Variants in DKC1 observed in about 807,000 individuals in gnomAD.
DKC1 encodes dyskerin pseudouridine synthase 1.
A neutral mutation model predicts 46.7 loss-of-function variants in DKC1; 4 were observed. The ratio of observed to expected loss-of-function variants is 0.09; its 90% confidence interval spans 0.04 to 0.20. The LOEUF (loss-of-function observed/expected upper bound fraction) is 0.20. Ranked by LOEUF, DKC1 falls within the 10% of genes least tolerant of loss-of-function variation. The probability of loss-of-function intolerance (pLI) is 1.00; values close to 1 mark genes in which losing one functional copy is unlikely to be tolerated. For missense variants in DKC1, 171 were observed against 404.2 expected, an observed-to-expected ratio of 0.42 and a Z score of 4.95; for synonymous variants, 141 against 142.4, an observed-to-expected ratio of 0.99 and a Z score of 0.07.
intron 14 of DKC1, 64 bp from the exon 15 acceptor site, chrX:154,776,735 T>C: frequency 2.8e-6 from 3 of 1,083,175 alleles, no homozygotes; most frequent in African/African-American, 1.8e-5. Flanking sequence ...CAGATTTCCT[T>C]CTGGGAGAGT....
intron 5 of DKC1, among the ~76,000 whole-genome samples, chrX:154,766,756 C>T (rs1311180057): frequency 1.8e-5 from 2 of 111,658 alleles, no homozygotes; most frequent in East Asian, 5.6e-4. Flanking sequence ...TTTTTCCACG[C>T]AGCTTCTACA....
At chrX:154,766,659 C>A in intron 5 of DKC1, 2 of 436,201 alleles carry the variant, frequency 4.6e-6, no homozygotes, top group Non-Finnish European at 8.0e-6. Context: ...GCTTGTCACT[C>A]CAGGCTTCTC....
At chrX:154,769,434 TAAAGTA>T (rs1301237840) in intron 9 of DKC1, 124 bp downstream of exon 9, 1 of 834,922 alleles carries the variant, frequency 1.2e-6, no homozygotes, top group African/African-American at 2.1e-5. Context: ...TATATTAATT[TAAAGTA>T]AAAGTTTAAT....
chrX:154,773,727 C>T (rs1428431594), intron 11 of DKC1, among the ~76,000 whole-genome samples: 1 of 112,204 alleles, frequency 8.9e-6, no homozygotes, highest in Non-Finnish European at 1.9e-5. Flanking sequence ...GGCAACCATC[C>T]GATTTCTCAA....
rs782202263 is a variant in DKC1 at position 154,765,994 on chromosome X, A to G, written c.259A>G (p.Ile87Val). 1.1e-5 allele frequency: 13 copies of G among 1,191,617 alleles called. No homozygotes were observed. The highest frequency in any genetic ancestry group is 1.4e-5 in the Non-Finnish European group (12 of 878,190). The change falls in exon 4 of 15, where the codon ATC becomes GTC. Residue 87 changes from isoleucine (I) to valine (V), a missense_variant. Around this residue, in one of 4 missense-constraint regions of DKC1, gnomAD observed 41 missense variants for 117.3 expected, o/e 0.35. Transcript: ENST00000369550. ...TCTGAAGAGAGAGATTGGGGACTAT[A>G]TCAGGTAAGTGTTGGGAGGAGGCAC... ...NPLKREIGDY[I>V]RTGFINLDKP...
intron 1 of DKC1, among the ~76,000 whole-genome samples, 197 bp from the exon 2 acceptor site, chrX:154,764,702 A>C (rs1228082899): frequency 1.8e-5 from 2 of 111,548 alleles, no homozygotes; most frequent in African/African-American, 6.5e-5. Context: ...GGAGATAGGA[A>C]TTTTTCAGCT....
Position 154,765,618 on chromosome X carries a change from G to A in DKC1, c.171+88G>A. On this transcript the variant is annotated intron_variant, in intron 3 of 14. Coordinates refer to ENST00000369550, the MANE Select transcript of DKC1 (RefSeq NM_001363.5). ...CAATTGATTGAGAATGCTTACTGCTGGCATCCTTGACTTTGGGAAGTGCCC... is the reference window on the plus strand; with the variant it reads ...CAATTGATTGAGAATGCTTACTGCTAGCATCCTTGACTTTGGGAAGTGCCC... 3.9e-6 allele frequency: 3 copies of A among 777,101 alleles called. No homozygotes were observed. In the South Asian group the frequency reaches 6.2e-5, roughly 16 times the overall value. 64.0% of individuals were successfully genotyped at this position (777,101 alleles called of 1,213,427 possible).
At chrX:154,767,818 T>C (rs1419453201) in intron 7 of DKC1, among the ~76,000 whole-genome samples, 1 of 110,218 alleles carries the variant, frequency 9.1e-6, no homozygotes, top group Non-Finnish European at 1.9e-5. Flanking sequence ...GTGTTAAAAA[T>C]TCTGCTAATA....
At position 154,770,870 on chromosome X, in the gene DKC1, A is replaced by G. The variant is rs958540765; in HGVS notation, c.1027A>G (p.Ile343Val). 3.3e-6 allele frequency: 4 copies of G among 1,211,238 alleles called. No individual in the cohort carries two copies. Among genetic ancestry groups the G allele is most frequent in the Non-Finnish European group, 3.4e-6 (3 of 894,930 alleles). ...GGTTATCACCACCAAAGGAGAAGCA[A>G]TCTGCATGGGTAAGAGGGGATGTTT... ...IVVITTKGEA[I>V]CMAIALMTTA... The change falls in exon 10 of 15, where the codon ATC (isoleucine) becomes GTC (valine). Residue 343 changes from isoleucine to valine, a missense_variant. Transcript: ENST00000369550.
At chrX:154,773,022 C>A in intron 10 of DKC1, 109 bp from the exon 11 acceptor site, 1 of 547,299 alleles carries the variant, frequency 1.8e-6, no homozygotes, top group Non-Finnish European at 3.2e-6. Context: ...AAAGTAGTAG[C>A]TCAGAGTTTT....
Position 154,766,980 on chromosome X carries a change from CTTT to C in DKC1, c.449-15_449-13del. On this transcript the variant is annotated splice_polypyrimidine_tract_variant and intron_variant, in intron 5 of 14. Transcript: ENST00000369550. ...AACTCAGTGGCCACACCTGACTACT[CTTT>C]TGTCATTTTTCAGGCAAAGAGTATG... The C allele has an allele frequency of 8.3e-7, 1 of 1,209,309 alleles. No individual in the cohort carries two copies.
chrX:154,776,255 AAAG>A lies in DKC1; in HGVS notation c.1415_1417del (p.Lys472del), dbSNP rs781922569. The A allele has an allele frequency of 2.3e-5, 28 of 1,210,270 alleles. No homozygotes were observed. Among genetic ancestry groups the A allele is most frequent in the African/African-American group, 1.0e-4 (6 of 57,349 alleles). On this transcript the variant is annotated inframe_deletion, in exon 14 of 15. Coordinates refer to ENST00000369550, the MANE Select transcript of DKC1 (RefSeq NM_001363.5). ...CAGCTCCTCAGTTGATCAAGAAGGA[AAAG>A]AAGAAGAGTAAGAAGGACAAGAAGG... is the stretch of plus-strand genomic sequence containing the variant.
At chrX:154,774,421 G>T (rs1248197831) in intron 11 of DKC1, among the ~76,000 whole-genome samples, 181 bp from the exon 12 acceptor site, 1 of 112,213 alleles carries the variant, frequency 8.9e-6, no homozygotes, top group Non-Finnish European at 1.9e-5. Context: ...AATAAGCTTT[G>T]TGATCTTCAA....
intron 9 of DKC1, among the ~76,000 whole-genome samples, chrX:154,770,467 T>TAAAAAA (rs150045442): frequency 4.4e-5 from 3 of 67,782 alleles, no homozygotes; most frequent in Non-Finnish European, 7.9e-5. Context: ...GCCTGAAAAT[T>TAAAAAA]AAAAAAAAAA....
Position 154,777,436 on chromosome X carries a change from T to C in DKC1, c.*569T>C, listed in dbSNP as rs2071913444. On this transcript the variant is annotated 3_prime_UTR_variant, in exon 15 of 15. Transcript: ENST00000369550. The stretch of plus-strand genomic sequence containing the variant: ...GTCCTTTGCACTTCCTCAAAGCTTG[T>C]GTACAGTGCTCACCTAAATCCATCT... The C allele has an allele frequency of 8.7e-6, 1 of 115,476 alleles. No homozygotes were observed. Among genetic ancestry groups the C allele is most frequent in the Middle Eastern group, 4.1e-3 (1 of 242 alleles). 9.5% of individuals were successfully genotyped at this position (115,476 alleles called of 1,213,427 possible). A position where few individuals can be genotyped will look rare whatever the true frequency, so the allele number is the denominator to read the frequency against.
At chrX:154,768,576 T>A in intron 8 of DKC1, 144 bp downstream of exon 8, 2 of 800,509 alleles carry the variant, frequency 2.5e-6, no homozygotes, top group Non-Finnish European at 3.8e-6. Flanking sequence ...TTCTGTTAAT[T>A]AAACTTTGGG....
chrX:154,765,130 C>T, intron 2 of DKC1, 164 bp downstream of exon 2: 1 of 506,633 alleles, frequency 2.0e-6, no homozygotes, highest in Non-Finnish European at 3.4e-6. Flanking sequence ...CCCAGACAGT[C>T]CAAGTGTCCT....
Position 154,773,913 on chromosome X carries a change from G to A in DKC1, c.1155+664G>A, listed in dbSNP as rs920191834. Among the ~76,000 whole-genome samples, 14 of 111,024 alleles carry A rather than the reference G, an allele frequency of 1.3e-4. No homozygotes were observed. The East Asian group carries it at 2.6e-3, about 21-fold the overall frequency. On this transcript the variant is annotated intron_variant, in intron 11 of 14. Coordinates refer to ENST00000369550, the MANE Select transcript of DKC1 (RefSeq NM_001363.5). ...GCGCCCCTCACCTCCCGGACGGGGC[G>A]GCTGGCCGGGCGGGGGGGCTGACCC...
At chrX:154,776,074 C>A in intron 13 of DKC1, 113 bp from the exon 14 acceptor site, 1 of 971,679 alleles carries the variant, frequency 1.0e-6, no homozygotes, top group Non-Finnish European at 1.5e-6. Context: ...AGAAAACGTC[C>A]TGTTAGATTC....
Sources: allele counts gnomAD v4.1 joint callset (sites outside exome capture counted in the v4.1 genomes callset), GRCh38; gene constraint gnomAD v4.1.1; regional missense constraint gnomAD v4.1.1; transcripts MANE v1.5; gene names NCBI Gene and HGNC (gene_info 2026-07-23, HGNC 2026-07-21).